The following EGR2 variants were observed in gnomAD, a reference collection of about 807,000 sequenced individuals.
The protein encoded by EGR2 is early growth response 2.
Under a neutral mutation model 21.2 loss-of-function variants are expected in EGR2, and 2 were observed. The observed-to-expected ratio is 0.09, with a 90% CI of 0.04 to 0.30. EGR2 has a LOEUF of 0.30. Ranked by LOEUF, EGR2 falls within the 10% of genes least tolerant of loss-of-function variation. The pLI, the probability that EGR2 is intolerant of heterozygous loss-of-function variation, is 1.00. For synonymous variants in EGR2, 282 were observed against 258.2 expected, an observed-to-expected ratio of 1.09 and a Z score of -0.88; for missense variants, 458 against 630.2, an observed-to-expected ratio of 0.73 and a Z score of 2.93.
chr10:62,815,907 A>G lies in EGR2; in HGVS notation c.123T>C (p.Asn41=). The change falls in exon 1 of 2, where the codon AAT becomes AAC. Residue 41 remains asparagine (N), a synonymous_variant. Transcript: ENST00000242480. ...LAATSVTIFP[N]AELGGPFDQM... ...GGTCAAAGGGGCCTCCCAGTTCGGC[A>G]TTGGGAAAGATGGTCACCGACGTGG... 1.2e-6 allele frequency: 2 copies of G among 1,614,140 alleles called. No homozygotes were observed. Among genetic ancestry groups the G allele is most frequent in the Non-Finnish European group, 1.7e-6 (2 of 1,179,986 alleles).
In EGR2 at chr10:62,816,100, G is replaced by C. The variant is rs1453620689; in HGVS notation, c.-71C>G. ...GTGTCAGAAAAGCCGTTTTGGAGAGGGGTTGGACTGAGCCTGGGATGGTAT... is the reference window on the plus strand; with the variant it reads ...GTGTCAGAAAAGCCGTTTTGGAGAGCGGTTGGACTGAGCCTGGGATGGTAT... On this transcript the variant is annotated 5_prime_UTR_variant, in exon 1 of 2. Coordinates refer to ENST00000242480, the MANE Select transcript of EGR2 (RefSeq NM_000399.5). 1.2e-5 allele frequency: 19 copies of C among 1,613,102 alleles called. No homozygotes were observed. Among genetic ancestry groups the C allele is most frequent in the Non-Finnish European group, 1.5e-5 (18 of 1,179,854 alleles).
upstream of EGR2, among the ~76,000 whole-genome samples, chr10:62,817,964 T>C (rs182897405): frequency 4.3e-3 from 661 of 152,096 alleles, 3 homozygotes; most frequent in Non-Finnish European, 7.0e-3. This position sits in a 1 kb window ranked among gnomAD's most constrained non-coding sequence, Gnocchi z 4.4. Context: ...TTTGTGCAGG[T>C]TGCGAACTGC....
upstream of EGR2, chr10:62,816,455 G>T: frequency 2.1e-6 from 2 of 964,602 alleles, no homozygotes; most frequent in Non-Finnish European, 2.6e-6. Context: ...AACAGGGCTG[G>T]GCCAGGCGGC....
At chr10:62,818,576 G>A, upstream of EGR2, 3 of 1,278,104 alleles carry the variant, frequency 2.3e-6, no homozygotes, top group Non-Finnish European at 3.1e-6. Flanking sequence ...CGCTCTGGCG[G>A]GTCCCGCGGC....
In EGR2 at chr10:62,813,129, T is replaced by C; in HGVS notation, c.*78A>G. On this transcript the variant is annotated 3_prime_UTR_variant, in exon 2 of 2. Coordinates refer to ENST00000242480, the MANE Select transcript of EGR2 (RefSeq NM_000399.5). The surrounding 1 kb of genome is among the most constrained non-coding windows in gnomAD (Gnocchi z 5.7). ...GGGAGAGAGGGACAGGAAAGGGTGG[T>C]AGTGTTTGTTGTGCAGCTCCAGTGG... is the stretch of plus-strand genomic sequence containing the variant. 1.4e-6 allele frequency: 2 copies of C among 1,415,942 alleles called. No individual in the cohort carries two copies. The highest frequency in any genetic ancestry group is 1.9e-6 in the Non-Finnish European group (2 of 1,056,468). 87.7% of individuals were successfully genotyped at this position (1,415,942 alleles called of 1,614,324 possible).
Position 62,814,255 on chromosome 10 carries a change from G to A in EGR2, c.383C>T (p.Ala128Val). 1 of 1,614,146 alleles carries A rather than the reference G, an allele frequency of 6.2e-7. No individual in the cohort carries two copies. The highest frequency in any genetic ancestry group is 8.5e-7 in the Non-Finnish European group (1 of 1,180,012). Reference sequence around the variant, plus strand: ...GACGCTGGATGAGGCTGTGGTTGAAGCTGGGGAAGTGACCCCTTGCAAGAT... The same window carrying A: ...GACGCTGGATGAGGCTGTGGTTGAAACTGGGGAAGTGACCCCTTGCAAGAT... ...AGILQGVTSP[A>V]STTASSSVTS... Residue 128 changes from alanine (A) to valine (V), a missense_variant, in exon 2 of 2, where the codon GCT becomes GTT. By Grantham distance (64) the Ala-to-Val change is moderately conservative. Coordinates refer to ENST00000242480, the MANE Select transcript of EGR2 (RefSeq NM_000399.5). This position sits in a 1 kb window ranked among gnomAD's most constrained non-coding sequence, Gnocchi z 4.8.
chr10:62,813,910 C>T lies in EGR2; in HGVS notation c.728G>A (p.Gly243Asp). The T allele has an allele frequency of 6.2e-7, 1 of 1,614,136 alleles. No homozygotes were observed. The highest frequency in any genetic ancestry group is 1.6e-4 in the Middle Eastern group (1 of 6,062). The change falls in exon 2 of 2, where the codon GGC becomes GAC. Residue 243 changes from glycine (G) to aspartate (D), a missense_variant. Physicochemically the swap from Gly to Asp is moderately conservative, Grantham distance 94. Around this residue, in one of 5 missense-constraint regions of EGR2, gnomAD observed 253 missense variants for 315.5 expected, o/e 0.80. Transcript: ENST00000242480. The surrounding 1 kb of genome is among the most constrained non-coding windows in gnomAD (Gnocchi z 5.7). ...GCAGGGAAAGGGCTTACGGTCTGGG[C>T]CAGCTGTACCATGTAGGTCTCTCTG... ...QCQRDLHGTA[G>D]PDRKPFPCPL...
chr10:62,814,313 G>A lies in EGR2; in HGVS notation c.325C>T (p.Pro109Ser). 6.2e-7 allele frequency: 1 copy of A among 1,614,102 alleles called. No homozygotes were observed. Among genetic ancestry groups the A allele is most frequent in the Non-Finnish European group, 8.5e-7 (1 of 1,180,014 alleles). ...CTCACAATATTGATTATGCCTTCTG[G>A]GTAGCAGCTGGCACCAGGGTACTGA... ...DPQYPGASCY[P>S]EGIINIVSAG... is the part of the protein sequence containing the mutation. Residue 109 changes from proline to serine, a missense_variant, in exon 2 of 2, where the codon CCA becomes TCA. Transcript: ENST00000242480. This position sits in a 1 kb window ranked among gnomAD's most constrained non-coding sequence, Gnocchi z 4.8.
At chr10:62,819,037 A>T (rs1473283523), upstream of EGR2, 1 of 152,592 alleles carries the variant, frequency 6.6e-6, no homozygotes, top group Non-Finnish European at 1.5e-5. Flanking sequence ...TGCCAGTAGA[A>T]GGCGGGTGGA....
rs142564688 is a variant in EGR2, at chr10:62,813,089, C to T, written c.*118G>A. On this transcript the variant is annotated 3_prime_UTR_variant, in exon 2 of 2. Transcript: ENST00000242480. The surrounding 1 kb of genome is among the most constrained non-coding windows in gnomAD (Gnocchi z 5.7). ...GGGGCAGTGCTAGCTCCACCAAAGC[C>T]CTTTGCCCAACAAAGGGAGAGAGGG... is the stretch of plus-strand genomic sequence containing the variant. 8 of 1,189,958 alleles carry T rather than the reference C, an allele frequency of 6.7e-6. No homozygotes were observed. The East Asian group carries it at 1.9e-4, about 28-fold the overall frequency. The allele number at this position is 1,189,958 out of a possible 1,614,324, so 73.7% of individuals were successfully genotyped here.
At position 62,814,192 on chromosome 10, in the gene EGR2, A is replaced by G; in HGVS notation, c.446T>C (p.Leu149Pro). Residue 149 changes from leucine (L) to proline (P), a missense_variant, in exon 2 of 2, where the codon CTG becomes CCG. Around this residue, in one of 5 missense-constraint regions of EGR2, gnomAD observed 253 missense variants for 315.5 expected, o/e 0.80. Transcript: ENST00000242480. The surrounding 1 kb of genome is among the most constrained non-coding windows in gnomAD (Gnocchi z 4.8). Reference sequence around the variant, plus strand: ...GGTCTGGGACATGGTGCACACACCCAGGGGTCCTGTGGCCAGTGGGTTGGG... The same window carrying G: ...GGTCTGGGACATGGTGCACACACCCGGGGGTCCTGTGGCCAGTGGGTTGGG... ...ASPNPLATGP[L>P]GVCTMSQTQP... The G allele has an allele frequency of 2.5e-6, 4 of 1,614,154 alleles. No individual in the cohort carries two copies. The highest frequency in any genetic ancestry group is 3.4e-6 in the Non-Finnish European group (4 of 1,180,012).
chr10:62,815,783 G>A, intron 1 of EGR2, 78 bp downstream of exon 1: 1 of 1,551,322 alleles, frequency 6.4e-7, no homozygotes, highest in Admixed American at 1.8e-5. Flanking sequence ...CCTCTCCTGC[G>A]ATTCCCGCAC....
At chr10:62,816,555 T>C (rs925159193), upstream of EGR2, among the ~76,000 whole-genome samples, 1 of 152,088 alleles carries the variant, frequency 6.6e-6, no homozygotes, top group African/African-American at 2.4e-5. Context: ...GCGGCGGGGA[T>C]CGCTGGGGTC....
chr10:62,818,461 C>A (rs896453052), upstream of EGR2: 12 of 789,246 alleles, frequency 1.5e-5, no homozygotes, highest in African/African-American at 1.7e-4. Flanking sequence ...ATACCCCACC[C>A]CAGCAAAAAT....
upstream of EGR2, chr10:62,818,490 C>CAAGA (rs71022175): frequency 0.039 from 41,998 of 1,090,392 alleles, 960 homozygotes; most frequent in South Asian, 0.079. Context: ...TCCTATTTCT[C>CAAGA]AAGAAAGAAA....
chr10:62,817,387 A>G (rs763944463), upstream of EGR2, among the ~76,000 whole-genome samples: 74 of 151,832 alleles, frequency 4.9e-4, no homozygotes, highest in Admixed American at 1.3e-4. The surrounding 1 kb of genome is among the most constrained non-coding windows in gnomAD (Gnocchi z 4.4). Context: ...ACCTTACACT[A>G]CACACCTCCC....
In EGR2 at chr10:62,814,292, C is replaced by G; in HGVS notation, c.346G>C (p.Val116Leu). 1 of 1,614,086 alleles carries G rather than the reference C, an allele frequency of 6.2e-7. No homozygotes were observed. Among genetic ancestry groups the G allele is most frequent in the Non-Finnish European group, 8.5e-7 (1 of 1,180,018 alleles). Reference protein sequence around the residue: ...SCYPEGIINIVSAGILQGVTS... With the variant: ...SCYPEGIINILSAGILQGVTS... ...ACCCCTTGCAAGATGCCTGCACTCACAATATTGATTATGCCTTCTGGGTAG... is the reference window on the plus strand; with the variant it reads ...ACCCCTTGCAAGATGCCTGCACTCAGAATATTGATTATGCCTTCTGGGTAG... Residue 116 changes from valine (V) to leucine (L), a missense_variant, in exon 2 of 2, where the codon GTG becomes CTG. Val to Leu is a conservative substitution (Grantham distance 32). This residue lies in a region of EGR2 where 253 missense variants were observed against 315.5 expected (regional missense o/e 0.80). Coordinates refer to ENST00000242480, the MANE Select transcript of EGR2 (RefSeq NM_000399.5). This position sits in a 1 kb window ranked among gnomAD's most constrained non-coding sequence, Gnocchi z 4.8.
At chr10:62,817,796 A>G (rs1838287178), upstream of EGR2, among the ~76,000 whole-genome samples, 1 of 152,190 alleles carries the variant, frequency 6.6e-6, no homozygotes, top group South Asian at 2.1e-4. The surrounding 1 kb of genome is among the most constrained non-coding windows in gnomAD (Gnocchi z 4.4). Context: ...TCCAAAGTCC[A>G]AATAGCAGCA....
In EGR2 at chr10:62,813,448, G is replaced by A; in HGVS notation, c.1190C>T (p.Pro397Leu). 6.2e-7 allele frequency: 1 copy of A among 1,614,202 alleles called. No homozygotes were observed. Among genetic ancestry groups the A allele is most frequent in the Non-Finnish European group, 8.5e-7 (1 of 1,180,040 alleles). ...THIRTHTGEK[P>L]FACDYCGRKF... ...TCGGCCACAGTAGTCACAGGCGAAG[G>A]GCTTCTCACCGGTGTGGGTGCGGAT... The change falls in exon 2 of 2, where the codon CCC becomes CTC. Residue 397 changes from proline to leucine, a missense_variant. Physicochemically the swap from Pro to Leu is moderately conservative, Grantham distance 98. Transcript: ENST00000242480. The surrounding 1 kb of genome is among the most constrained non-coding windows in gnomAD (Gnocchi z 5.7).
Sources: gnomAD v4.1 joint callset for allele counts (sites outside exome capture counted in the v4.1 genomes callset) on GRCh38, gnomAD v4.1.1 for gene constraint, gnomAD v4.1.1 regional missense constraint, Gnocchi (gnomAD v3.1) non-coding constraint, MANE v1.5 for transcripts, NCBI Gene and HGNC (gene_info 2026-07-23, HGNC 2026-07-21) for gene names.